The following CFAP58 variants were observed in gnomAD, a reference collection of about 807,000 sequenced individuals.
The protein encoded by CFAP58 is cilia and flagella associated protein 58, also known as cilia- and flagella-associated protein 58.
CFAP58 carries 88 observed loss-of-function variants against 119.5 expected under a neutral mutation model. That is an observed-to-expected ratio of 0.74 (90% CI 0.62 to 0.88). CFAP58 has a LOEUF of 0.88. CFAP58 is among the 40% of genes least tolerant of loss of function. The probability of loss-of-function intolerance (pLI) is 0.00; values close to 1 mark genes in which losing one functional copy is unlikely to be tolerated. For synonymous variants in CFAP58, 365 were observed against 366.3 expected (o/e 1.00, Z 0.04); for missense variants, 990 against 1,021.2 (o/e 0.97, Z 0.42).
intron 5 of CFAP58, 47 bp downstream of exon 5, chr10:104,366,055 T>C (rs1202465690): frequency 1.9e-5 from 27 of 1,458,348 alleles, no homozygotes; most frequent in Non-Finnish European, 2.4e-5. Context: ...AAACCCAGAA[T>C]GGCACCTTTA....
chr10:104,358,503 A>G lies in CFAP58; in HGVS notation c.172A>G (p.Lys58Glu), dbSNP rs2014625447. ...AVMKKSYDNE[K>E]RLMAKCRELN... ...CATGAAAAAGTCTTATGACAATGAA[A>G]AGCGTCTGATGGCCAAATGCAGAGA... Residue 58 changes from lysine to glutamate, a missense_variant, in exon 2 of 18, where the codon AAG (lysine) becomes GAG (glutamate). By Grantham distance (56) the Lys-to-Glu change is moderately conservative. Transcript: ENST00000369704. The G allele has an allele frequency of 4.3e-6, 7 of 1,614,014 alleles. No homozygotes were observed. Among genetic ancestry groups the G allele is most frequent in the African/African-American group, 1.3e-5 (1 of 74,912 alleles).
Position 104,450,158 on chromosome 10 carries a change from T to A in CFAP58, c.2464T>A (p.Leu822Ile). Residue 822 changes from leucine (L) to isoleucine (I), a missense_variant, in exon 17 of 18, where the codon TTA (leucine) becomes ATA (isoleucine). Leu to Ile is a conservative substitution (Grantham distance 5). Transcript: ENST00000369704. ...VEKLTNELQN[L>I]KKKYLAQKRK... ...GAAACTTACCAATGAGCTCCAGAAT[T>A]TAAAGAAGAAATACCTCGCTCAGAA... The A allele has an allele frequency of 6.2e-7, 1 of 1,613,672 alleles. No individual in the cohort carries two copies.
intron 15 of CFAP58, among the ~76,000 whole-genome samples, chr10:104,438,112 T>G (rs2012964325): frequency 6.6e-6 from 1 of 152,190 alleles, no homozygotes; most frequent in East Asian, 1.9e-4. Context: ...GATGCCATTT[T>G]ACTGTTTCTA....
intron 1 of CFAP58, among the ~76,000 whole-genome samples, chr10:104,357,910 C>T (rs554846928): frequency 0.24 from 24,292 of 100,374 alleles, 3,269 homozygotes; most frequent in African/African-American, 0.35. Flanking sequence ...TACACATATA[C>T]ACACATATAT....
At chr10:104,377,490 AT>A (rs1423603476) in intron 8 of CFAP58, among the ~76,000 whole-genome samples, 4 of 152,138 alleles carry the variant, frequency 2.6e-5, no homozygotes, top group Non-Finnish European at 4.4e-5. Flanking sequence ...CCTTTTTCCT[AT>A]CCCACTTCCT....
At position 104,418,757 on chromosome 10, in the gene CFAP58, G is replaced by C. The variant is rs7906465; in HGVS notation, c.2256+11964G>C. Among the ~76,000 whole-genome samples the C allele has an allele frequency of 3.2e-3, 480 of 152,278 alleles. 1 individual carries two copies. Among genetic ancestry groups the C allele is most frequent in the African/African-American group, 0.011 (463 of 41,548 alleles). ...GGCAGAATTCTAATAGCATGGCCCA[G>C]TTGCTGGTAGTGTAGCCTACACTAA... On this transcript the variant is annotated intron_variant, in intron 15 of 17. Transcript: ENST00000369704.
chr10:104,403,916 C>A, intron 14 of CFAP58, 76 bp downstream of exon 14: 1 of 825,576 alleles, frequency 1.2e-6, no homozygotes, highest in Non-Finnish European at 1.9e-6. Flanking sequence ...ACCTAAAGCA[C>A]AATGAGAAGC....
At chr10:104,404,294 G>A (rs557126054) in intron 14 of CFAP58, among the ~76,000 whole-genome samples, 5 of 152,156 alleles carry the variant, frequency 3.3e-5, no homozygotes, top group Admixed American at 6.5e-5. Context: ...AAAGCATTGC[G>A]TTAGCCAAGC....
At chr10:104,371,120 C>T (rs909850306) in intron 7 of CFAP58, 66 bp downstream of exon 7, 2 of 1,457,008 alleles carry the variant, frequency 1.4e-6, no homozygotes, top group African/African-American at 2.9e-5. Context: ...ATCTTGTAAC[C>T]CAGGGCTCCA....
intron 2 of CFAP58, 42 bp downstream of exon 2, chr10:104,358,664 C>T: frequency 6.4e-7 from 1 of 1,569,394 alleles, no homozygotes. Context: ...GAATTTAAAA[C>T]ATCATTCTCT....
At chr10:104,381,678 T>G (rs981655873) in intron 9 of CFAP58, among the ~76,000 whole-genome samples, 6 of 152,102 alleles carry the variant, frequency 3.9e-5, no homozygotes, top group African/African-American at 1.4e-4. Flanking sequence ...ATATTTGTAT[T>G]ACAGAAATAA....
At chr10:104,378,521 T>C (rs560255138) in intron 8 of CFAP58, among the ~76,000 whole-genome samples, 2 of 152,330 alleles carry the variant, frequency 1.3e-5, no homozygotes, top group South Asian at 4.1e-4. Flanking sequence ...AGGATACAGC[T>C]GGGCCTCAGG....
rs369043824 is a variant in CFAP58, at chr10:104,405,038, C to T, written c.2151+1198C>T. ...ATTTTTTCCTTATAAGAAAGAAAAT[C>T]AGCCAGGTAGATTCTTGTTTTCCAT... On this transcript the variant is annotated intron_variant, in intron 14 of 17. Coordinates refer to ENST00000369704, the MANE Select transcript of CFAP58 (RefSeq NM_001008723.2). Among the ~76,000 whole-genome samples the T allele has an allele frequency of 4.6e-5, 7 of 152,212 alleles. No homozygotes were observed. The East Asian group carries it at 1.4e-3, about 29-fold the overall frequency.
intron 11 of CFAP58, among the ~76,000 whole-genome samples, chr10:104,396,406 GAGAGAGAGAGAGAGAGAGAGAGA>G (rs2012158412): frequency 9.3e-6 from 1 of 108,014 alleles, no homozygotes; most frequent in Non-Finnish European, 1.9e-5. Flanking sequence ...GAGAGAGAGA[GAGAGAGAGAGAGAGAGAGAGAGA>G]GAGAGAGAGA....
At chr10:104,379,033 G>T (rs933023470) in intron 8 of CFAP58, among the ~76,000 whole-genome samples, 1 of 152,020 alleles carries the variant, frequency 6.6e-6, no homozygotes, top group Admixed American at 6.6e-5. Flanking sequence ...TTTTGTTGTG[G>T]TTAAATACAC....
At chr10:104,357,555 G>T (rs1376504505) in intron 1 of CFAP58, among the ~76,000 whole-genome samples, 2 of 152,114 alleles carry the variant, frequency 1.3e-5, no homozygotes, top group African/African-American at 4.8e-5. Context: ...AGAGACCAGG[G>T]TTTGGAATAA....
At chr10:104,377,857 T>G (rs1352138337) in intron 8 of CFAP58, among the ~76,000 whole-genome samples, 2 of 152,264 alleles carry the variant, frequency 1.3e-5, no homozygotes, top group Non-Finnish European at 2.9e-5. Context: ...AGAAAATCAT[T>G]GAAGTGTTTT....
chr10:104,416,579 A>G (rs950420916), intron 15 of CFAP58, among the ~76,000 whole-genome samples: 3 of 152,068 alleles, frequency 2.0e-5, no homozygotes, highest in Admixed American at 6.5e-5. Context: ...CAAACCTCAT[A>G]TAGCTCATTT....
chr10:104,399,773 A>T (rs1243126781), intron 12 of CFAP58, among the ~76,000 whole-genome samples: 1 of 152,138 alleles, frequency 6.6e-6, no homozygotes, highest in Non-Finnish European at 1.5e-5. Flanking sequence ...GCATTCTAGT[A>T]TAATACAGTT....
Sources: gnomAD v4.1 joint callset for allele counts (sites outside exome capture counted in the v4.1 genomes callset) on GRCh38, gnomAD v4.1.1 for gene constraint, MANE v1.5 for transcripts, NCBI Gene and HGNC (gene_info 2026-07-23, HGNC 2026-07-21) for gene names.